The following CCDC66 variants were observed in gnomAD, a reference collection of about 807,000 sequenced individuals.
CCDC66 encodes coiled-coil domain containing 66, also known as coiled-coil domain-containing protein 66.
Under a neutral mutation model 128.3 loss-of-function variants are expected in CCDC66, and 133 were observed. The ratio of observed to expected loss-of-function variants is 1.04; its 90% CI spans 0.90 to 1.20. The LOEUF (loss-of-function observed/expected upper bound fraction) is 1.20, where lower values mean the gene tolerates loss of function less well. CCDC66 is among the 50% of genes most tolerant of loss of function. The pLI, the probability that CCDC66 is intolerant of heterozygous loss-of-function variation, is 0.00. For synonymous variants in CCDC66, 387 were observed against 357.0 expected, an observed-to-expected ratio of 1.08 and a Z score of -0.95; for missense variants, 1,126 against 1,075.5, an observed-to-expected ratio of 1.05 and a Z score of -0.66.
intron 16 of CCDC66, 106 bp downstream of exon 16, chr3:56,619,633 G>C (rs1031888374): frequency 1.3e-6 from 2 of 1,489,498 alleles, no homozygotes; most frequent in African/African-American, 2.8e-5. Context: ...GTTCTATAAA[G>C]TTTCTTGAAT....
At chr3:56,557,159 T>C (rs2064400756), upstream of CCDC66, 2 of 1,538,662 alleles carry the variant, frequency 1.3e-6, no homozygotes. Flanking sequence ...TATATCCAAT[T>C]GGCGTAGCGC....
chr3:56,590,531 G>A (rs1478135287), intron 7 of CCDC66, among the ~76,000 whole-genome samples: 1 of 152,078 alleles, frequency 6.6e-6, no homozygotes, highest in Non-Finnish European at 1.5e-5. Context: ...ATCAAGGCGG[G>A]TGGATTTCTT....
rs140174274 is a variant in CCDC66 at position 56,571,296 on chromosome 3, A to G, written c.930A>G (p.Gln310=). ...GGGAAAAACATCAAATTCTTGACCA[A>G]TCTAGGGTAAGACATCTTAATTGCA... ...IIWEKHQILD[Q]SRETVLLEHP... is the part of the protein sequence containing the mutation. The change falls in exon 7 of 18, where the codon CAA becomes CAG. Residue 310 remains glutamine, a synonymous_variant. Transcript: ENST00000394672. The G allele has an allele frequency of 1.5e-4, 234 of 1,514,930 alleles. No individual in the cohort carries two copies. The highest frequency in any genetic ancestry group is 2.9e-4 in the Admixed American group (15 of 50,906). 93.8% of individuals were successfully genotyped at this position (1,514,930 alleles called of 1,614,324 possible).
chr3:56,590,799 G>A (rs1207805992), intron 7 of CCDC66, among the ~76,000 whole-genome samples: 1 of 152,038 alleles, frequency 6.6e-6, no homozygotes, highest in Non-Finnish European at 1.5e-5. Context: ...AACACGTTTA[G>A]GAAACCAGTT....
At chr3:56,593,144 CA>C (rs747385559) in intron 8 of CCDC66, 43 bp downstream of exon 8, 23 of 1,443,714 alleles carry the variant, frequency 1.6e-5, no homozygotes, top group Non-Finnish European at 2.2e-5. Flanking sequence ...AAAATAAAAT[CA>C]AAGTCTTTAA....
At chr3:56,572,017 G>A (rs2066699472) in intron 7 of CCDC66, among the ~76,000 whole-genome samples, 1 of 152,124 alleles carries the variant, frequency 6.6e-6, no homozygotes, top group African/African-American at 2.4e-5. Context: ...CACTGGGCCT[G>A]GCTCATATGG....
chr3:56,578,436 C>G (rs552386235), intron 7 of CCDC66, among the ~76,000 whole-genome samples: 1 of 151,862 alleles, frequency 6.6e-6, no homozygotes, highest in African/African-American at 2.4e-5. Context: ...CCAGAACTTC[C>G]AATACTATGT....
Position 56,559,118 on chromosome 3 carries a change from A to G in CCDC66, c.76+208A>G, listed in dbSNP as rs74960135. 6.1e-3 allele frequency among the ~76,000 whole-genome samples: 924 copies of G among 152,304 alleles called. 5 individuals are homozygous for G. Among genetic ancestry groups the G allele is most frequent in the African/African-American group, 0.019 (800 of 41,584 alleles). On this transcript the variant is annotated intron_variant, in intron 2 of 17. Transcript: ENST00000394672. ...ACTACTGTCAGTATTCAGACTCATA[A>G]CATTTAATGTTCCAGTATATTGCGT...
chr3:56,571,613 T>G (rs2066625709), intron 7 of CCDC66, among the ~76,000 whole-genome samples: 1 of 152,100 alleles, frequency 6.6e-6, no homozygotes, highest in Non-Finnish European at 1.5e-5. Flanking sequence ...CCTGGCCTCA[T>G]GTGATCTGCC....
At chr3:56,572,025 T>C (rs900182973) in intron 7 of CCDC66, among the ~76,000 whole-genome samples, 2 of 152,180 alleles carry the variant, frequency 1.3e-5, no homozygotes, top group Non-Finnish European at 2.9e-5. Flanking sequence ...CTGGCTCATA[T>C]GGTATTTTAA....
intron 8 of CCDC66, 64 bp from the exon 9 acceptor site, chr3:56,593,427 C>A: frequency 6.5e-7 from 1 of 1,546,384 alleles, no homozygotes; most frequent in South Asian, 1.2e-5. Flanking sequence ...CTTTGGTTGT[C>A]ATTTAGAATT....
chr3:56,621,418 C>A, intron 17 of CCDC66, 114 bp from the exon 18 acceptor site: 1 of 727,362 alleles, frequency 1.4e-6, no homozygotes, highest in Non-Finnish European at 2.1e-6. Context: ...TTTTGAATGA[C>A]AAAATTTTAT....
intron 6 of CCDC66, among the ~76,000 whole-genome samples, chr3:56,567,808 G>C (rs1326711622): frequency 6.6e-6 from 1 of 152,044 alleles, no homozygotes; most frequent in Non-Finnish European, 1.5e-5. Flanking sequence ...TTCTGCCTCA[G>C]CCTCCCCAGT....
chr3:56,580,709 C>A (rs2068212304), intron 7 of CCDC66, among the ~76,000 whole-genome samples: 1 of 151,814 alleles, frequency 6.6e-6, no homozygotes, highest in African/African-American at 2.4e-5. Flanking sequence ...GTTGAAAATT[C>A]TTTTCTTTAA....
At chr3:56,566,814 C>T in intron 5 of CCDC66, 55 bp downstream of exon 5, 1 of 1,552,652 alleles carries the variant, frequency 6.4e-7, no homozygotes, top group East Asian at 2.3e-5. Flanking sequence ...TATGGTTTTG[C>T]TTTTCCTTTA....
intron 7 of CCDC66, among the ~76,000 whole-genome samples, chr3:56,580,136 T>A (rs1395719568): frequency 6.6e-6 from 1 of 151,924 alleles, no homozygotes; most frequent in Non-Finnish European, 1.5e-5. Context: ...GCTCTTCTTG[T>A]TGAATTGATC....
chr3:56,563,508 A>G, intron 3 of CCDC66, 176 bp from the exon 4 acceptor site: 1 of 560,382 alleles, frequency 1.8e-6, no homozygotes, highest in Admixed American at 3.4e-5. Flanking sequence ...GAAGTAAGAT[A>G]ATTTCTAGTT....
chr3:56,566,394 G>A (rs1031607527), intron 4 of CCDC66, among the ~76,000 whole-genome samples, 200 bp from the exon 5 acceptor site: 15 of 152,196 alleles, frequency 9.9e-5, no homozygotes, highest in Middle Eastern at 6.8e-3. Flanking sequence ...CAAAGTTCTG[G>A]GACTACAGGT....
intron 6 of CCDC66, 108 bp downstream of exon 6, chr3:56,567,161 G>A: frequency 2.7e-6 from 2 of 733,444 alleles, no homozygotes; most frequent in Middle Eastern, 2.6e-4. Flanking sequence ...GGAAGCCGAG[G>A]TGGGTGGATC....
Sources: gnomAD v4.1 joint callset for allele counts (sites outside exome capture counted in the v4.1 genomes callset) on GRCh38, gnomAD v4.1.1 for gene constraint, MANE v1.5 for transcripts, NCBI Gene and HGNC (gene_info 2026-07-23, HGNC 2026-07-21) for gene names.